TPM4: variants seen among roughly 807,000 people sequenced by gnomAD.
TPM4 encodes tropomyosin alpha-4 chain.
Under a neutral mutation model 35.8 loss-of-function variants are expected in TPM4, and 17 were observed. The observed-to-expected ratio is 0.47, with a 90% CI of 0.32 to 0.71. The LOEUF (loss-of-function observed/expected upper bound fraction) is 0.71. Among genes scored for constraint, TPM4 ranks in the 30% least tolerant of loss-of-function variants. The pLI, the probability that TPM4 is intolerant of heterozygous loss-of-function variation, is 0.03. For missense variants in TPM4, 240 were observed against 320.9 expected (o/e 0.75, Z 1.93); for synonymous variants, 120 against 122.9 (o/e 0.98, Z 0.15).
upstream of TPM4, chr19:16,076,008 C>CT: frequency 5.7e-6 from 9 of 1,586,788 alleles, no homozygotes; most frequent in Non-Finnish European, 7.7e-6. Flanking sequence ...ACGTGACCCC[C>CT]CCCCCAGGCT....
chr19:16,087,509 A>G lies in TPM4; in HGVS notation c.385-518A>G, dbSNP rs527609735. On this transcript the variant is annotated intron_variant, in intron 3 of 7. Coordinates refer to ENST00000643579, the MANE Select transcript of TPM4 (RefSeq NM_003290.3). Reference sequence around the variant, plus strand: ...GGAGATTCACTTGAACCCAGGAGGCAGAGGTTGCAGTGAGTCAAGGTTGAG... The same window carrying G: ...GGAGATTCACTTGAACCCAGGAGGCGGAGGTTGCAGTGAGTCAAGGTTGAG... Among the ~76,000 whole-genome samples, 125 of 151,736 alleles carry G rather than the reference A, an allele frequency of 8.2e-4. 1 individual carries two copies. The highest frequency in any genetic ancestry group is 2.9e-3 in the African/African-American group (119 of 41,352).
chr19:16,097,268 CT>C (rs890851239), intron 7 of TPM4, among the ~76,000 whole-genome samples: 6 of 143,962 alleles, frequency 4.2e-5, no homozygotes, highest in South Asian at 2.2e-4. Flanking sequence ...CTATGCTTTG[CT>C]TTTTTTTTTC....
At chr19:16,072,219 C>T (rs1322556918), upstream of TPM4, among the ~76,000 whole-genome samples, 2 of 152,200 alleles carry the variant, frequency 1.3e-5, no homozygotes, top group Non-Finnish European at 2.9e-5. Context: ...TGCTGGGGCC[C>T]ATAGTGGCCT....
chr19:16,070,122 C>G lies in TPM4; in HGVS notation c.114+2384C>G, dbSNP rs1306960810. Among the ~76,000 whole-genome samples the G allele has an allele frequency of 2.0e-5, 3 of 152,074 alleles. No homozygotes were observed. The highest frequency in any genetic ancestry group is 1.3e-4 in the Admixed American group (2 of 15,282). On this transcript the variant is annotated intron_variant, in intron 2 of 2. Transcript: ENST00000589897. The surrounding 1 kb of genome is among the most constrained non-coding windows in gnomAD (Gnocchi z 7.4). ...TCTCATTGTGTATGTGGGGGTGTCC[C>G]TGCTAAAAGCCTGGAGGCCGGGGCA...
intron 2 of TPM4, chr19:16,068,018 C>A (rs1377740882): frequency 2.2e-6 from 1 of 460,832 alleles, no homozygotes; most frequent in Admixed American, 4.1e-5. Flanking sequence ...CGTTCGTGAG[C>A]GAGGTGTCGT....
At chr19:16,076,213 C>T, upstream of TPM4, 1 of 1,549,626 alleles carries the variant, frequency 6.5e-7, no homozygotes, top group Middle Eastern at 1.8e-4. Context: ...CGGGGCCAGG[C>T]CGGAGCCCCG....
At chr19:16,090,371 G>A (rs113517099) in intron 5 of TPM4, among the ~76,000 whole-genome samples, 1,537 of 149,078 alleles carry the variant, frequency 0.01, 24 homozygotes, top group African/African-American at 0.034. Context: ...TCCCACCTTA[G>A]CCTCCCAAAG....
intron 1 of TPM4, 34 bp downstream of exon 1, chr19:16,076,731 G>C: frequency 7.7e-7 from 1 of 1,299,010 alleles, no homozygotes; most frequent in South Asian, 2.1e-5. Flanking sequence ...CGCACCCGCA[G>C]CCTCCTCCCC....
chr19:16,083,820 G>A (rs539532901), intron 2 of TPM4, among the ~76,000 whole-genome samples: 5 of 146,942 alleles, frequency 3.4e-5, no homozygotes, highest in Non-Finnish European at 5.9e-5. Flanking sequence ...ATGTAGTGGT[G>A]CGATCACAGC....
intron 1 of TPM4, among the ~76,000 whole-genome samples, chr19:16,078,987 CCT>C (rs1050395559): frequency 6.6e-6 from 1 of 152,066 alleles, no homozygotes; most frequent in Non-Finnish European, 1.5e-5. Context: ...ATCTAGCAAG[CCT>C]CTTTTACCTT....
intron 5 of TPM4, among the ~76,000 whole-genome samples, chr19:16,091,402 CA>C (rs2090624925): frequency 6.6e-6 from 1 of 152,150 alleles, no homozygotes; most frequent in African/African-American, 2.4e-5. Context: ...AAGGGATTGA[CA>C]AAGTCACAGA....
intron 1 of TPM4, chr19:16,078,264 G>C: frequency 2.5e-6 from 1 of 397,034 alleles, no homozygotes; most frequent in Non-Finnish European, 4.4e-6. Context: ...CAGAGACATG[G>C]GTGTGCACAG....
intron 7 of TPM4, chr19:16,100,820 A>G (rs59508494): frequency 0.047 from 7,446 of 157,512 alleles, 349 homozygotes; most frequent in African/African-American, 0.12. Flanking sequence ...CCCTGTCTCA[A>G]AAAAAAAGTA....
intron 2 of TPM4, among the ~76,000 whole-genome samples, chr19:16,085,610 A>G (rs188862301): frequency 6.6e-6 from 1 of 152,196 alleles, no homozygotes; most frequent in African/African-American, 2.4e-5. Flanking sequence ...CTGGAGTCAG[A>G]CTGCCAAGGG....
At chr19:16,083,294 A>ATCCT (rs1191110580) in intron 2 of TPM4, among the ~76,000 whole-genome samples, 1 of 152,100 alleles carries the variant, frequency 6.6e-6, no homozygotes, top group Non-Finnish European at 1.5e-5. Context: ...AAATACACAA[A>ATCCT]TTAGCTGGGC....
chr19:16,102,044 T>C lies in TPM4; in HGVS notation c.*698T>C, dbSNP rs1390834146. On this transcript the variant is annotated 3_prime_UTR_variant, in exon 8 of 8. Transcript: ENST00000643579. ...CTTGATGTGATGTTCTTTTGCATAT[T>C]TCCTTCATTCTAAAGTTGTTCCCTG... The C allele has an allele frequency of 4.8e-6, 1 of 209,198 alleles. No homozygotes were observed. Among genetic ancestry groups the C allele is most frequent in the Non-Finnish European group, 9.7e-6 (1 of 103,040 alleles). The allele number at this position is 209,198 out of a possible 1,614,324, so 13.0% of individuals were successfully genotyped here.
At chr19:16,071,392 C>T (rs1055649260) in intron 2 of TPM4, among the ~76,000 whole-genome samples, 2 of 152,028 alleles carry the variant, frequency 1.3e-5, no homozygotes, top group Non-Finnish European at 2.9e-5. Context: ...TCACTATTGC[C>T]CAGGCTAGTC....
Position 16,067,948 on chromosome 19 carries a change from G to T in TPM4, c.114+210G>T, listed in dbSNP as rs145783761. On this transcript the variant is annotated intron_variant, in intron 2 of 2. Coordinates refer to the TPM4 transcript ENST00000589897. The surrounding 1 kb of genome is among the most constrained non-coding windows in gnomAD (Gnocchi z 4.1). Reference sequence around the variant, plus strand: ...GACGATCGGACCCACCCCCAGCAGGGCCAGTGCGAACAAAGTGAGTTTGAC... The same window carrying T: ...GACGATCGGACCCACCCCCAGCAGGTCCAGTGCGAACAAAGTGAGTTTGAC... The T allele has an allele frequency of 1.5e-3, 785 of 521,594 alleles. 8 individuals are homozygous for T. Among genetic ancestry groups the T allele is most frequent in the African/African-American group, 0.015 (731 of 50,236 alleles). The allele number at this position is 521,594 out of a possible 1,614,324, so 32.3% of individuals were successfully genotyped here.
rs544309340 is a variant in TPM4 at position 16,076,778 on chromosome 19, C to T, written c.132+81C>T. ...CTTTCTTCCCGGCTTCCCGCGCTGC[C>T]CGCCCGCGCGCAGTCCTCGGGCCGC... On this transcript the variant is annotated intron_variant, in intron 1 of 7. Coordinates refer to ENST00000643579, the MANE Select transcript of TPM4 (RefSeq NM_003290.3). The T allele has an allele frequency of 1.1e-3, 1,467 of 1,282,378 alleles. 4 individuals are homozygous for T. The highest frequency in any genetic ancestry group is 5.4e-3 in the Middle Eastern group (18 of 3,304). The allele number at this position is 1,282,378 out of a possible 1,614,324, so 79.4% of individuals were successfully genotyped here.
Sources: allele counts gnomAD v4.1 joint callset (sites outside exome capture counted in the v4.1 genomes callset), GRCh38; gene constraint gnomAD v4.1.1; non-coding constraint Gnocchi (gnomAD v3.1); transcripts MANE v1.5; gene names NCBI Gene and HGNC (gene_info 2026-07-23, HGNC 2026-07-21).